The following SLA variants were observed in gnomAD, a reference collection of about 807,000 sequenced individuals.
SLA encodes src-like-adapter.
SLA carries 16 observed loss-of-function variants against 30.3 expected under a neutral mutation model. That is an observed-to-expected ratio of 0.53 (90% confidence interval 0.36 to 0.80). The LOEUF (loss-of-function observed/expected upper bound fraction) is 0.80, where lower values mean the gene tolerates loss of function less well. SLA is among the 30% of genes least tolerant of loss of function. The pLI is 0.01. For synonymous variants in SLA, 143 were observed against 137.8 expected (o/e 1.04, Z -0.26); for missense variants, 310 against 345.2 (o/e 0.90, Z 0.81).
At chr8:133,101,054 G>T (rs1235961672) in intron 1 of SLA, among the ~76,000 whole-genome samples, 5 of 152,106 alleles carry the variant, frequency 3.3e-5, no homozygotes, top group Non-Finnish European at 7.3e-5. Flanking sequence ...TCCACTGCAG[G>T]TCTCTGACCC....
chr8:133,044,986 G>T lies in SLA; in HGVS notation c.482C>A (p.Ser161Tyr). 1 of 1,614,156 alleles carries T rather than the reference G, an allele frequency of 6.2e-7. No homozygotes were observed. The change falls in exon 7 of 9, where the codon TCT (serine) becomes TAT (tyrosine). Residue 161 changes from serine to tyrosine, a missense_variant and splice_region_variant. Physicochemically the swap from Ser to Tyr is moderately radical, Grantham distance 144. Transcript: ENST00000338087. ...ACTCCATATTGTATGTCTCTTACCA[G>T]AATAGTGGTTCACCAGGTCCTCCAG... ...QCLEDLVNHY[S>Y]EVADGLCCVL...
chr8:133,096,099 C>T, intron 1 of SLA: 1 of 1,398,200 alleles, frequency 7.2e-7, no homozygotes, highest in Non-Finnish European at 1.0e-6. Flanking sequence ...TCAGTAGAGT[C>T]ATAGATGGAT....
At chr8:133,043,858 G>A (rs887755614) in intron 7 of SLA, among the ~76,000 whole-genome samples, 1 of 152,184 alleles carries the variant, frequency 6.6e-6, no homozygotes, top group African/African-American at 2.4e-5. Context: ...CCCAGAAGGG[G>A]GAAGATGCTG....
At chr8:133,071,877 A>G (rs1001418169) in intron 2 of SLA, among the ~76,000 whole-genome samples, 2 of 152,226 alleles carry the variant, frequency 1.3e-5, no homozygotes, top group Non-Finnish European at 2.9e-5. Context: ...GTTCATGTCT[A>G]TTATATTCCT....
chr8:133,091,716 G>C (rs965416394), intron 1 of SLA, among the ~76,000 whole-genome samples: 3 of 152,000 alleles, frequency 2.0e-5, no homozygotes, highest in Admixed American at 2.0e-4. Context: ...CTGCACTTAT[G>C]TGAGTGTGTG....
At chr8:133,064,796 A>G (rs1055620013) in intron 2 of SLA, among the ~76,000 whole-genome samples, 2 of 152,092 alleles carry the variant, frequency 1.3e-5, no homozygotes, top group African/African-American at 4.8e-5. Flanking sequence ...AGAACCTTCC[A>G]TTCCTGGGAC....
At chr8:133,100,656 C>T (rs1265195536) in intron 1 of SLA, among the ~76,000 whole-genome samples, 1 of 152,152 alleles carries the variant, frequency 6.6e-6, no homozygotes, top group East Asian at 1.9e-4. Context: ...TCCAAATATC[C>T]TCTTCCCATG....
At chr8:133,073,907 G>A (rs931496737) in intron 2 of SLA, among the ~76,000 whole-genome samples, 2 of 152,008 alleles carry the variant, frequency 1.3e-5, no homozygotes, top group Admixed American at 1.3e-4. Context: ...CAATCCTATA[G>A]GATTGTTCTG....
chr8:133,102,501 C>T (rs375629714), intron 1 of SLA, 52 bp downstream of exon 1: 13 of 1,532,522 alleles, frequency 8.5e-6, no homozygotes, highest in Non-Finnish European at 1.1e-5. Flanking sequence ...CCACCCCAGG[C>T]CACCTATGGC....
At chr8:133,066,502 G>A (rs1211150646) in intron 2 of SLA, among the ~76,000 whole-genome samples, 1 of 152,088 alleles carries the variant, frequency 6.6e-6, no homozygotes, top group Non-Finnish European at 1.5e-5. Flanking sequence ...GACTCTCTCT[G>A]GGTAGTGATT....
chr8:133,101,547 T>C (rs543242163), intron 1 of SLA, among the ~76,000 whole-genome samples: 1 of 151,786 alleles, frequency 6.6e-6, no homozygotes, highest in Admixed American at 6.6e-5. Flanking sequence ...TCCTGCCCCA[T>C]CTGGGGCTGA....
intron 6 of SLA, chr8:133,047,498 A>G (rs1839649245): frequency 5.9e-6 from 2 of 336,266 alleles, no homozygotes; most frequent in Non-Finnish European, 5.7e-6. Flanking sequence ...CCAGGCCCAT[A>G]CCAAAGGCCA....
At chr8:133,039,727 T>C (rs866971936) in intron 8 of SLA, among the ~76,000 whole-genome samples, 3 of 152,176 alleles carry the variant, frequency 2.0e-5, no homozygotes, top group Non-Finnish European at 4.4e-5. Flanking sequence ...AGAATGTATA[T>C]TGCTAGCATA....
chr8:133,089,290 T>C (rs981080019), intron 1 of SLA, among the ~76,000 whole-genome samples: 1 of 152,176 alleles, frequency 6.6e-6, no homozygotes, highest in African/African-American at 2.4e-5. Context: ...GCTTTGGGGA[T>C]AGAGGAATAA....
intron 2 of SLA, chr8:133,060,444 A>C: frequency 7.4e-7 from 1 of 1,351,916 alleles, no homozygotes; most frequent in South Asian, 1.4e-5. Flanking sequence ...TGTTGGTGGC[A>C]AAAGTTTCCA....
intron 1 of SLA, among the ~76,000 whole-genome samples, chr8:133,096,977 A>G (rs991116776): frequency 1.3e-5 from 2 of 152,218 alleles, no homozygotes; most frequent in African/African-American, 4.8e-5. Flanking sequence ...GGATGTGGCT[A>G]ACCCTGGAAG....
intron 1 of SLA, among the ~76,000 whole-genome samples, chr8:133,095,375 C>G (rs988665844): frequency 1.3e-5 from 2 of 152,162 alleles, no homozygotes; most frequent in African/African-American, 4.8e-5. Flanking sequence ...TGTGCATGCG[C>G]CACAGCCTGC....
chr8:133,044,962 C>T (rs1276137781), intron 7 of SLA, 22 bp downstream of exon 7: 1 of 1,613,512 alleles, frequency 6.2e-7, no homozygotes, highest in African/African-American at 1.3e-5. Context: ...ATCACAATCA[C>T]TCCATATTGT....
chr8:133,088,681 A>C (rs1248838304), intron 1 of SLA, among the ~76,000 whole-genome samples: 1 of 152,242 alleles, frequency 6.6e-6, no homozygotes, highest in South Asian at 2.1e-4. Flanking sequence ...AATAGCATTC[A>C]CTAGGCCTTC....
Sources: gnomAD v4.1 joint callset for allele counts (sites outside exome capture counted in the v4.1 genomes callset) on GRCh38, gnomAD v4.1.1 for gene constraint, MANE v1.5 for transcripts, NCBI Gene and HGNC (gene_info 2026-07-23, HGNC 2026-07-21) for gene names.